Variants in RUFY2 observed in about 807,000 individuals in gnomAD.
RUFY2 encodes the protein RUN and FYVE domain containing 2.
Under a neutral mutation model 94.4 loss-of-function variants are expected in RUFY2, and 49 were observed. The ratio of observed to expected loss-of-function variants is 0.52; its 90% CI spans 0.41 to 0.66. The LOEUF is 0.66. RUFY2 is among the 30% of genes least tolerant of loss of function. The pLI, the probability that RUFY2 is intolerant of heterozygous loss-of-function variation, is 0.00. For synonymous variants in RUFY2, 255 were observed against 235.7 expected (o/e 1.08, Z -0.75); for missense variants, 541 against 692.8 (o/e 0.78, Z 2.46).
rs369628849 is a variant in RUFY2, at chr10:68,402,196, C to T, written c.179-459G>A. ...CTGGTCTTGAATTCCTGGCCTCAAG[C>T]GTTCCTCCTATCTTGGCCTCCCAAA... is the stretch of plus-strand genomic sequence containing the variant. On this transcript the variant is annotated intron_variant, in intron 2 of 17. Coordinates refer to ENST00000602465, the MANE Select transcript of RUFY2 (RefSeq NM_001330103.2). Among the ~76,000 whole-genome samples the T allele has an allele frequency of 4.0e-5, 6 of 151,768 alleles. No individual in the cohort carries two copies. The East Asian group carries it at 5.8e-4, about 15-fold the overall frequency.
At chr10:68,356,698 C>A (rs896136989) in intron 15 of RUFY2, among the ~76,000 whole-genome samples, 2 of 151,488 alleles carry the variant, frequency 1.3e-5, no homozygotes, top group Admixed American at 6.6e-5. Context: ...GAGGCACCCG[C>A]AATAACTCCC....
chr10:68,357,014 A>C (rs2047100471), intron 15 of RUFY2, among the ~76,000 whole-genome samples: 2 of 151,702 alleles, frequency 1.3e-5, no homozygotes, highest in Non-Finnish European at 2.9e-5. Context: ...AAATACCAAA[A>C]AAATTAGCTG....
chr10:68,376,469 TA>T (rs2048668785), intron 13 of RUFY2, among the ~76,000 whole-genome samples: 3 of 38,428 alleles, frequency 7.8e-5, no homozygotes, highest in African/African-American at 2.8e-4. Flanking sequence ...TATATATATA[TA>T]TATATATATA....
At position 68,344,369 on chromosome 10, in the gene RUFY2, T is replaced by C. The variant is rs895775257; in HGVS notation, c.*1399A>G. 6.6e-5 allele frequency: 10 copies of C among 152,234 alleles called. No individual in the cohort carries two copies. The highest frequency in any genetic ancestry group is 2.2e-4 in the African/African-American group (9 of 41,450). 9.4% of individuals were successfully genotyped at this position (152,234 alleles called of 1,614,324 possible). On this transcript the variant is annotated 3_prime_UTR_variant, in exon 18 of 18. Transcript: ENST00000602465. The stretch of plus-strand genomic sequence containing the variant: ...TAATCCATAAATTTTCTATGTATTT[T>C]TTATAGGCTCACAAACTTAAAGTGC...
chr10:68,346,830 C>G (rs1243815146), intron 16 of RUFY2: 1 of 152,072 alleles, frequency 6.6e-6, no homozygotes, highest in Non-Finnish European at 1.5e-5. Context: ...TACCTTAAGA[C>G]CCTAAAATTT....
At chr10:68,401,136 T>A (rs2050813822) in intron 3 of RUFY2, among the ~76,000 whole-genome samples, 1 of 152,228 alleles carries the variant, frequency 6.6e-6, no homozygotes, top group Admixed American at 6.5e-5. Flanking sequence ...TACATTTGTC[T>A]GATGAAACAG....
chr10:68,377,718 T>C, intron 12 of RUFY2: 1 of 985,314 alleles, frequency 1.0e-6, no homozygotes, highest in Non-Finnish European at 1.2e-6. Context: ...CTGCCTTCTT[T>C]GGCCATCTAG....
At chr10:68,398,871 G>A (rs1037105757) in intron 3 of RUFY2, among the ~76,000 whole-genome samples, 3 of 152,008 alleles carry the variant, frequency 2.0e-5, no homozygotes, top group Non-Finnish European at 2.9e-5. Context: ...CTATTGTAGA[G>A]TCTGGCTTTT....
At position 68,378,394 on chromosome 10, in the gene RUFY2, A is replaced by G. The variant is rs372928324; in HGVS notation, c.1205+1030T>C. The G allele has an allele frequency of 2.6e-5, 32 of 1,240,038 alleles. No individual in the cohort carries two copies. The East Asian group carries it at 5.0e-4, about 20-fold the overall frequency. 76.8% of individuals were successfully genotyped at this position (1,240,038 alleles called of 1,614,324 possible). On this transcript the variant is annotated intron_variant, in intron 12 of 17. Transcript: ENST00000602465. ...AACGTATGTCTGGAAATCCAAGTGCACCCACTCTGCTTGATGGCAGTGTAT... is the reference window on the plus strand; with the variant it reads ...AACGTATGTCTGGAAATCCAAGTGCGCCCACTCTGCTTGATGGCAGTGTAT...
At chr10:68,392,296 G>C (rs2050060231) in intron 7 of RUFY2, among the ~76,000 whole-genome samples, 2 of 152,020 alleles carry the variant, frequency 1.3e-5, no homozygotes, top group South Asian at 4.1e-4. Context: ...GCCTTCCAAA[G>C]TGGAATTACA....
intron 15 of RUFY2, chr10:68,355,636 TGGG>T (rs2046991376): frequency 3.2e-6 from 1 of 316,442 alleles, no homozygotes; most frequent in South Asian, 3.2e-5. Context: ...CATTTTCGGC[TGGG>T]TGCGGTGGCT....
intron 7 of RUFY2, among the ~76,000 whole-genome samples, chr10:68,389,563 C>G (rs771612534): frequency 6.6e-6 from 1 of 151,752 alleles, no homozygotes; most frequent in Non-Finnish European, 1.5e-5. Flanking sequence ...GCACTCCAGC[C>G]TGGGTGAAAG....
intron 15 of RUFY2, among the ~76,000 whole-genome samples, chr10:68,360,502 G>A (rs2047382778): frequency 6.6e-6 from 1 of 151,872 alleles, no homozygotes; most frequent in Non-Finnish European, 1.5e-5. Context: ...CCAGCACTTT[G>A]GGAGGCCGAG....
At chr10:68,392,453 A>T (rs1171212085) in intron 7 of RUFY2, among the ~76,000 whole-genome samples, 2 of 152,176 alleles carry the variant, frequency 1.3e-5, no homozygotes, top group Non-Finnish European at 2.9e-5. Context: ...GAAAGCAAAA[A>T]TTTCCACCAC....
At position 68,344,439 on chromosome 10, in the gene RUFY2, G is replaced by A. The variant is rs1282292316; in HGVS notation, c.*1329C>T. 1.3e-5 allele frequency: 2 copies of A among 152,174 alleles called. No individual in the cohort carries two copies. Among genetic ancestry groups the A allele is most frequent in the Non-Finnish European group, 2.9e-5 (2 of 68,028 alleles). The allele number at this position is 152,174 out of a possible 1,614,324, so 9.4% of individuals were successfully genotyped here. ...AAAAATAGGATACTGAATGGTGATA[G>A]TGTTTATGTAACTATTCAGAGGTAA... On this transcript the variant is annotated 3_prime_UTR_variant, in exon 18 of 18. Coordinates refer to ENST00000602465, the MANE Select transcript of RUFY2 (RefSeq NM_001330103.2).
chr10:68,389,225 T>G (rs2049789809), intron 7 of RUFY2, among the ~76,000 whole-genome samples: 1 of 152,100 alleles, frequency 6.6e-6, no homozygotes, highest in Admixed American at 6.6e-5. Context: ...AAACATAAGG[T>G]ATACAAAAGT....
intron 11 of RUFY2, 64 bp from the exon 12 acceptor site, chr10:68,379,585 G>T: frequency 1.7e-6 from 2 of 1,203,730 alleles, no homozygotes; most frequent in Non-Finnish European, 2.4e-6. Context: ...GTGTGTGTGT[G>T]TGTGCGTGTT....
At chr10:68,371,421 C>CAA (rs570547947) in intron 13 of RUFY2, among the ~76,000 whole-genome samples, 1 of 134,272 alleles carries the variant, frequency 7.4e-6, no homozygotes, top group Non-Finnish European at 1.6e-5. Flanking sequence ...GACTCCATCT[C>CAA]AAAAAAAAAA....
At chr10:68,355,425 A>G in intron 15 of RUFY2, 24 bp from the exon 16 acceptor site, 1 of 1,432,520 alleles carries the variant, frequency 7.0e-7, no homozygotes, top group South Asian at 1.2e-5. Context: ...AAATAGGTCC[A>G]AATTTCAGTA....
Sources: allele counts gnomAD v4.1 joint callset (sites outside exome capture counted in the v4.1 genomes callset), GRCh38; gene constraint gnomAD v4.1.1; transcripts MANE v1.5; gene names NCBI Gene and HGNC (gene_info 2026-07-23, HGNC 2026-07-21).